Variants in AKR1B1 observed in about 807,000 individuals in gnomAD.
AKR1B1 encodes aldo-keto reductase family 1 member B, also known as aldo-keto reductase family 1 member B1.
Under a neutral mutation model 40.4 loss-of-function variants are expected in AKR1B1, and 22 were observed. That is an observed-to-expected ratio of 0.54 (90% CI 0.39 to 0.78). The LOEUF (loss-of-function observed/expected upper bound fraction) is 0.78. AKR1B1 is among the 30% of genes least tolerant of loss of function. The probability of loss-of-function intolerance (pLI) is 0.00; values close to 1 mark genes in which losing one functional copy is unlikely to be tolerated. For missense variants in AKR1B1, 357 were observed against 396.7 expected, an observed-to-expected ratio of 0.90 and a Z score of 0.85; for synonymous variants, 157 against 149.9, an observed-to-expected ratio of 1.05 and a Z score of -0.35.
In AKR1B1 at chr7:134,458,901, G is replaced by A. The variant is rs1486313759; in HGVS notation, c.66+96C>T. The A allele has an allele frequency of 2.9e-6, 4 of 1,399,062 alleles. No homozygotes were observed. The African/African-American group carries it at 4.3e-5, about 15-fold the overall frequency. 86.7% of individuals were successfully genotyped at this position (1,399,062 alleles called of 1,614,324 possible). On this transcript the variant is annotated intron_variant, in intron 1 of 9. Coordinates refer to ENST00000285930, the MANE Select transcript of AKR1B1 (RefSeq NM_001628.4). The stretch of plus-strand genomic sequence containing the variant: ...CTCCCAGCACGCCGGGCGTCCGCGG[G>A]GCGAGCTGCTCAGGGTCACTCGGGG...
chr7:134,451,857 T>C (rs1562909442), intron 1 of AKR1B1, 104 bp from the exon 2 acceptor site: 2 of 1,309,326 alleles, frequency 1.5e-6, no homozygotes, highest in Non-Finnish European at 2.1e-6. Flanking sequence ...TGCCACTTTG[T>C]TCAGCAAAGA....
intron 1 of AKR1B1, among the ~76,000 whole-genome samples, chr7:134,455,570 G>A (rs1806443076): frequency 6.6e-6 from 1 of 152,106 alleles, no homozygotes; most frequent in African/African-American, 2.4e-5. Flanking sequence ...ATGCTGTGAT[G>A]GGTTTTTGTT....
chr7:134,452,885 G>C (rs1806332792), intron 1 of AKR1B1, among the ~76,000 whole-genome samples: 1 of 152,192 alleles, frequency 6.6e-6, no homozygotes, highest in South Asian at 2.1e-4. Flanking sequence ...CCACCTCAGA[G>C]GGAGCAGCGA....
chr7:134,444,813 G>C lies in AKR1B1; in HGVS notation c.908+425C>G, dbSNP rs189422382. 244 of 297,444 alleles carry C rather than the reference G, an allele frequency of 8.2e-4. 1 individual carries two copies. Among genetic ancestry groups the C allele is most frequent in the African/African-American group, 4.9e-3 (228 of 46,374 alleles). The allele number at this position is 297,444 out of a possible 1,614,324, so 18.4% of individuals were successfully genotyped here. A position where few individuals can be genotyped will look rare whatever the true frequency, so the allele number is the denominator to read the frequency against. On this transcript the variant is annotated intron_variant, in intron 9 of 9. Transcript: ENST00000285930. Reference sequence around the variant, plus strand: ...GAGCCATGTGGCTTACCAGGTCAGAGCCGGGACTGTCTCAAACCTCAGCCC... The same window carrying C: ...GAGCCATGTGGCTTACCAGGTCAGACCCGGGACTGTCTCAAACCTCAGCCC...
intron 9 of AKR1B1, among the ~76,000 whole-genome samples, chr7:134,443,805 C>T (rs1806014605): frequency 1.3e-5 from 2 of 151,966 alleles, no homozygotes; most frequent in African/African-American, 4.8e-5. Context: ...TTTTGTATAC[C>T]CACAGTGACA....
Position 134,458,874 on chromosome 7 carries a change from G to A in AKR1B1, c.66+123C>T. The A allele has an allele frequency of 3.5e-6, 4 of 1,158,086 alleles. 1 individual carries two copies. In the South Asian group the frequency reaches 5.4e-5, roughly 16 times the overall value. 71.7% of individuals were successfully genotyped at this position (1,158,086 alleles called of 1,614,324 possible). A position where few individuals can be genotyped will look rare whatever the true frequency, so the allele number is the denominator to read the frequency against. ...CTGGGGACCCTGCAAGCCCGCGCGT[G>A]GCTCCCAGCACGCCGGGCGTCCGCG... On this transcript the variant is annotated intron_variant, in intron 1 of 9. Transcript: ENST00000285930.
rs1806137863 is a variant in AKR1B1 at position 134,447,408 on chromosome 7, T to C, written c.742-27A>G. ...TGTGAGCCCAAGGAGACAGTGAGTG[T>C]GTATACATGCCAGGCACTCGCACCC... On this transcript the variant is annotated intron_variant, in intron 7 of 9. Transcript: ENST00000285930. 4 of 1,598,314 alleles carry C rather than the reference T, an allele frequency of 2.5e-6. No individual in the cohort carries two copies. The East Asian group carries it at 8.9e-5, about 36-fold the overall frequency.
upstream of AKR1B1, chr7:134,459,171 C>T: frequency 2.9e-6 from 4 of 1,377,312 alleles, no homozygotes; most frequent in Non-Finnish European, 4.0e-6. Context: ...GGTTGGCGCG[C>T]CGCTGCGCGA....
At chr7:134,444,722 C>G (rs1806046410) in intron 9 of AKR1B1, 1 of 183,298 alleles carries the variant, frequency 5.5e-6, no homozygotes, top group South Asian at 1.2e-4. Flanking sequence ...GCAGAGGAAA[C>G]AGAACCAGAG....
intron 8 of AKR1B1, among the ~76,000 whole-genome samples, chr7:134,446,632 G>C (rs1487701773): frequency 6.6e-6 from 1 of 152,186 alleles, no homozygotes; most frequent in Non-Finnish European, 1.5e-5. Context: ...GGCAGGCAGG[G>C]AGGGAGGTGG....
intron 1 of AKR1B1, 139 bp from the exon 2 acceptor site, chr7:134,451,892 G>T: frequency 1.1e-6 from 1 of 877,574 alleles, no homozygotes; most frequent in Admixed American, 2.0e-5. Flanking sequence ...TTCCTCAGCA[G>T]CATTCTGGAC....
intron 1 of AKR1B1, 141 bp downstream of exon 1, chr7:134,458,856 C>T: frequency 1.0e-6 from 1 of 957,838 alleles, no homozygotes; most frequent in South Asian, 1.5e-5. Context: ...CCGCTGGGGA[C>T]CCTGCAAGCC....
At chr7:134,448,114 A>G in intron 6 of AKR1B1, 53 bp from the exon 7 acceptor site, 1 of 1,456,406 alleles carries the variant, frequency 6.9e-7, no homozygotes, top group Non-Finnish European at 9.5e-7. Context: ...CACTCACAGC[A>G]GCCAGAAACC....
intron 2 of AKR1B1, chr7:134,451,358 A>G: frequency 1.6e-6 from 1 of 624,590 alleles, no homozygotes. Context: ...CCTCAGCCTC[A>G]TCAGCACGGG....
At chr7:134,446,663 T>A (rs910506443) in intron 8 of AKR1B1, among the ~76,000 whole-genome samples, 2 of 151,570 alleles carry the variant, frequency 1.3e-5, no homozygotes, top group African/African-American at 2.4e-5. Flanking sequence ...CCTGAGCTGC[T>A]CCAGCTGCCA....
rs529543767 is a variant in AKR1B1 at position 134,459,086 on chromosome 7, C to T, written c.-24G>A. The T allele has an allele frequency of 1.4e-5, 22 of 1,593,784 alleles. No individual in the cohort carries two copies. The highest frequency in any genetic ancestry group is 1.7e-5 in the Admixed American group (1 of 57,492). Reference sequence around the variant, plus strand: ...ATGGCTGCTGCGCTCCCCAGACCCCCGCCCAGTACGGTGCGGCCTTGGCCG... The same window carrying T: ...ATGGCTGCTGCGCTCCCCAGACCCCTGCCCAGTACGGTGCGGCCTTGGCCG... On this transcript the variant is annotated 5_prime_UTR_variant, in exon 1 of 10. Transcript: ENST00000285930.
intron 4 of AKR1B1, chr7:134,449,330 T>G: frequency 1.5e-6 from 1 of 648,026 alleles, no homozygotes; most frequent in Non-Finnish European, 2.7e-6. Flanking sequence ...CTCACGCCTG[T>G]AATCCCAGCA....
intron 3 of AKR1B1, among the ~76,000 whole-genome samples, chr7:134,450,219 C>T (rs1021113362): frequency 3.9e-5 from 6 of 152,200 alleles, no homozygotes; most frequent in African/African-American, 9.6e-5. Flanking sequence ...AACAGGGCTA[C>T]GGGATAAAGC....
chr7:134,456,287 CATCTGGGGTTCAAGCGATT>C (rs1357333234), intron 1 of AKR1B1, among the ~76,000 whole-genome samples: 2 of 152,144 alleles, frequency 1.3e-5, no homozygotes, highest in African/African-American at 4.8e-5. Flanking sequence ...GCAACCTCCA[CATCTGGGGTTCAAGCGATT>C]TTCCTGCCTC....
Sources: allele counts gnomAD v4.1 joint callset (sites outside exome capture counted in the v4.1 genomes callset), GRCh38; gene constraint gnomAD v4.1.1; transcripts MANE v1.5; gene names NCBI Gene and HGNC (gene_info 2026-07-23, HGNC 2026-07-21).